The following TSHZ2 variants were observed in gnomAD, a reference collection of about 807,000 sequenced individuals.
TSHZ2 encodes teashirt homolog 2.
In TSHZ2, 21 loss-of-function variants were observed where a neutral mutation model predicts 74.4. The observed-to-expected ratio is 0.28, with a 90% confidence interval of 0.20 to 0.41. TSHZ2 has a LOEUF of 0.41. Ranked by LOEUF, TSHZ2 falls within the 10% of genes least tolerant of loss-of-function variation. The pLI, the probability that TSHZ2 is intolerant of heterozygous loss-of-function variation, is 1.00. For synonymous variants in TSHZ2, 540 were observed against 515.3 expected, an observed-to-expected ratio of 1.05 and a Z score of -0.65; for missense variants, 1,244 against 1,293.5, an observed-to-expected ratio of 0.96 and a Z score of 0.59.
At chr20:53,230,960 G>A (rs1044633013) in intron 1 of TSHZ2, among the ~76,000 whole-genome samples, 18 of 152,206 alleles carry the variant, frequency 1.2e-4, no homozygotes, top group Admixed American at 3.3e-4. Flanking sequence ...ATTAGCCATA[G>A]GGATGCAAAG....
At chr20:53,160,653 G>A (rs534296738) in intron 1 of TSHZ2, among the ~76,000 whole-genome samples, 2 of 150,692 alleles carry the variant, frequency 1.3e-5, no homozygotes, top group African/African-American at 4.9e-5. Flanking sequence ...CCTAAGGCAT[G>A]AGAATCTCTT....
rs543047190 is a variant in TSHZ2 at position 53,181,664 on chromosome 20, A to G, written c.41-71835A>G. ...AGCACTTTGGGAGGCCGAGGCGGGC[A>G]GATCACGAGGTCAGGAGATTGAGAC... is the stretch of plus-strand genomic sequence containing the variant. On this transcript the variant is annotated intron_variant, in intron 1 of 2. Transcript: ENST00000371497. 2.2e-4 allele frequency among the ~76,000 whole-genome samples: 34 copies of G among 152,050 alleles called. No homozygotes were observed. The South Asian group carries it at 4.4e-3, about 20-fold the overall frequency.
In TSHZ2 at chr20:53,256,222, G is replaced by A. The variant is rs751152955; in HGVS notation, c.2764G>A (p.Gly922Ser). ...AAAATTTCTGAAAAACATGGACAAA[G>A]GCCACCCCATCTTTTATTGCAGTGA... ...GTKFLKNMDK[G>S]HPIFYCSDCA... Residue 922 changes from glycine (G) to serine (S), a missense_variant, in exon 2 of 3, where the codon GGC becomes AGC. Coordinates refer to ENST00000371497, the MANE Select transcript of TSHZ2 (RefSeq NM_173485.6). This position sits in a 1 kb window ranked among gnomAD's most constrained non-coding sequence, Gnocchi z 4.3. 6.2e-7 allele frequency: 1 copy of A among 1,613,662 alleles called. No individual in the cohort carries two copies.
At chr20:53,049,095 C>G (rs143119730) in intron 1 of TSHZ2, among the ~76,000 whole-genome samples, 360 of 152,102 alleles carry the variant, frequency 2.4e-3, no homozygotes, top group Admixed American at 5.8e-3. Context: ...TGTAAAATGC[C>G]CAGAAGCCCT....
chr20:53,434,376 C>G (rs534059944), intron 2 of TSHZ2, among the ~76,000 whole-genome samples: 2 of 152,134 alleles, frequency 1.3e-5, no homozygotes, highest in Non-Finnish European at 2.9e-5. Context: ...AACCCAAGCC[C>G]AAGCCACTGT....
At chr20:53,040,370 G>T (rs903719947) in intron 1 of TSHZ2, among the ~76,000 whole-genome samples, 1 of 152,144 alleles carries the variant, frequency 6.6e-6, no homozygotes, top group Non-Finnish European at 1.5e-5. Context: ...CAGAGGGCAG[G>T]TGTGGGGTAA....
intron 2 of TSHZ2, among the ~76,000 whole-genome samples, chr20:53,472,015 G>C (rs1017411196): frequency 6.6e-6 from 1 of 152,024 alleles, no homozygotes; most frequent in Non-Finnish European, 1.5e-5. Flanking sequence ...ATGTTGGTCA[G>C]GCTGGTCTCA....
At chr20:53,152,496 G>C (rs1330443598) in intron 1 of TSHZ2, among the ~76,000 whole-genome samples, 1 of 152,168 alleles carries the variant, frequency 6.6e-6, no homozygotes, top group East Asian at 1.9e-4. Flanking sequence ...TGGCTGAATG[G>C]CTGTTGCTCT....
chr20:53,111,535 C>T (rs924371392), intron 1 of TSHZ2, among the ~76,000 whole-genome samples: 7 of 152,084 alleles, frequency 4.6e-5, no homozygotes, highest in Non-Finnish European at 8.8e-5. Context: ...TAAATCTCCT[C>T]CCAGAATGGA....
chr20:53,059,222 G>A (rs545824481), intron 1 of TSHZ2, among the ~76,000 whole-genome samples: 1 of 152,278 alleles, frequency 6.6e-6, no homozygotes, highest in African/African-American at 2.4e-5. Flanking sequence ...GAACAAATTA[G>A]TGAGACTTTT....
At chr20:53,246,619 A>G (rs1282804947) in intron 1 of TSHZ2, among the ~76,000 whole-genome samples, 2 of 152,222 alleles carry the variant, frequency 1.3e-5, no homozygotes, top group Admixed American at 1.3e-4. Context: ...CACTGTGACG[A>G]AAGTCCTAGT....
chr20:53,331,650 C>T (rs1979727479), intron 2 of TSHZ2, among the ~76,000 whole-genome samples: 1 of 152,124 alleles, frequency 6.6e-6, no homozygotes, highest in East Asian at 1.9e-4. Context: ...GGAAGTCAGT[C>T]CCTCAGCCAG....
chr20:53,106,373 A>G (rs1214739373), intron 1 of TSHZ2, among the ~76,000 whole-genome samples: 2 of 118,134 alleles, frequency 1.7e-5, no homozygotes, highest in Admixed American at 9.1e-5. Flanking sequence ...TATTTCCTCT[A>G]GGGCCTTCTC....
intron 1 of TSHZ2, among the ~76,000 whole-genome samples, chr20:53,078,040 G>A (rs776751213): frequency 6.6e-6 from 1 of 152,198 alleles, no homozygotes; most frequent in Non-Finnish European, 1.5e-5. Flanking sequence ...TGAATGCGTA[G>A]GCAGAGTTTG....
intron 2 of TSHZ2, among the ~76,000 whole-genome samples, chr20:53,444,845 G>A (rs1455565609): frequency 6.6e-6 from 1 of 152,134 alleles, no homozygotes; most frequent in Admixed American, 6.5e-5. Flanking sequence ...TAAATTAAAG[G>A]TTTTATTTTG....
chr20:53,469,650 A>G lies in TSHZ2; in HGVS notation c.*9-17494A>G, dbSNP rs908537219. Among the ~76,000 whole-genome samples the G allele has an allele frequency of 2.4e-4, 17 of 69,602 alleles. 1 individual carries two copies. The highest frequency in any genetic ancestry group is 8.0e-4 in the African/African-American group (14 of 17,602). 45.7% of individuals were successfully genotyped at this position (69,602 alleles called of 152,430 possible). A position where few individuals can be genotyped will look rare whatever the true frequency, so the allele number is the denominator to read the frequency against. On this transcript the variant is annotated intron_variant, in intron 2 of 2. Coordinates refer to ENST00000371497, the MANE Select transcript of TSHZ2 (RefSeq NM_173485.6). Reference sequence around the variant, plus strand: ...GAAGGGAGGGAGGAAGGAAGGAAGGAAGGAAGGAAGGAAGGAAGGAAGGAA... The same window carrying G: ...GAAGGGAGGGAGGAAGGAAGGAAGGGAGGAAGGAAGGAAGGAAGGAAGGAA...
chr20:52,972,571 T>A lies in TSHZ2; in HGVS notation c.-723T>A, dbSNP rs1981150988. 1.3e-5 allele frequency: 2 copies of A among 153,006 alleles called. No individual in the cohort carries two copies. The highest frequency in any genetic ancestry group is 2.9e-5 in the Non-Finnish European group (2 of 68,472). 9.5% of individuals were successfully genotyped at this position (153,006 alleles called of 1,614,324 possible). ...GTGTGAGTGAGTGAATTCCAGATTT[T>A]CTGTCTTTCCAAAACCCGCTCCTGT... On this transcript the variant is annotated 5_prime_UTR_variant, in exon 1 of 3. Transcript: ENST00000371497.
chr20:53,012,273 G>A (rs898778679), intron 1 of TSHZ2, among the ~76,000 whole-genome samples: 2 of 152,058 alleles, frequency 1.3e-5, no homozygotes, highest in African/African-American at 2.4e-5. Flanking sequence ...ATCACCTTCC[G>A]TTCTTGTTTC....
chr20:53,000,354 C>A (rs1203499838), intron 1 of TSHZ2, among the ~76,000 whole-genome samples: 1 of 152,132 alleles, frequency 6.6e-6, no homozygotes, highest in Non-Finnish European at 1.5e-5. Flanking sequence ...AGTTTGCTGG[C>A]TTCTGCCCTA....
Sources: gnomAD v4.1 joint callset for allele counts (sites outside exome capture counted in the v4.1 genomes callset) on GRCh38, gnomAD v4.1.1 for gene constraint, Gnocchi (gnomAD v3.1) non-coding constraint, MANE v1.5 for transcripts, NCBI Gene and HGNC (gene_info 2026-07-23, HGNC 2026-07-21) for gene names.